Variants in BICC1 observed in about 807,000 individuals in gnomAD.
BICC1 encodes protein bicaudal C homolog 1.
BICC1 carries 43 observed loss-of-function variants against 111.0 expected under a neutral mutation model. That is an observed-to-expected ratio of 0.39 (90% CI 0.30 to 0.50). The LOEUF (loss-of-function observed/expected upper bound fraction) is 0.50, where lower values mean the gene tolerates loss of function less well. Ranked by LOEUF, BICC1 falls within the 20% of genes least tolerant of loss-of-function variation. The pLI, the probability that BICC1 is intolerant of heterozygous loss-of-function variation, is 0.88. For missense variants in BICC1, 1,091 were observed against 1,203.2 expected (o/e 0.91, Z 1.38); for synonymous variants, 467 against 434.4 (o/e 1.07, Z -0.93).
At chr10:58,687,842 G>C (rs774324654) in intron 2 of BICC1, among the ~76,000 whole-genome samples, 1 of 152,138 alleles carries the variant, frequency 6.6e-6, no homozygotes, top group Non-Finnish European at 1.5e-5. Flanking sequence ...GCCCCACTCT[G>C]GTCCGTGGGC....
At chr10:58,570,962 T>C (rs143873170) in intron 1 of BICC1, among the ~76,000 whole-genome samples, 3 of 152,268 alleles carry the variant, frequency 2.0e-5, no homozygotes, top group African/African-American at 7.2e-5. Flanking sequence ...TGGGTAGAAA[T>C]GTTTGCTTGA....
chr10:58,595,072 G>A (rs1323155636), intron 1 of BICC1, among the ~76,000 whole-genome samples: 1 of 152,116 alleles, frequency 6.6e-6, no homozygotes, highest in African/African-American at 2.4e-5. Flanking sequence ...TGCAATCGTA[G>A]GCTCTGATAA....
rs1372899813 is a variant in BICC1 at position 58,593,829 on chromosome 10, C to T, written c.191-27026C>T. ...GAACGCCTCTTCTCCTCCAAAGGATCACAACTCCTTGCCAGCAAGGGAACA... is the reference window on the plus strand; with the variant it reads ...GAACGCCTCTTCTCCTCCAAAGGATTACAACTCCTTGCCAGCAAGGGAACA... On this transcript the variant is annotated intron_variant, in intron 1 of 20. Transcript: ENST00000373886. Among the ~76,000 whole-genome samples the T allele has an allele frequency of 8.5e-5, 13 of 152,186 alleles. No homozygotes were observed. The East Asian group carries it at 2.1e-3, about 25-fold the overall frequency.
At chr10:58,683,606 A>T (rs1176577810) in intron 2 of BICC1, among the ~76,000 whole-genome samples, 1 of 152,118 alleles carries the variant, frequency 6.6e-6, no homozygotes, top group Non-Finnish European at 1.5e-5. Flanking sequence ...CAAACTTTTA[A>T]GTTGGATTCC....
chr10:58,615,391 G>A (rs1268440932), intron 1 of BICC1, among the ~76,000 whole-genome samples: 3 of 152,100 alleles, frequency 2.0e-5, no homozygotes, highest in Non-Finnish European at 4.4e-5. Flanking sequence ...ATGACCCAGC[G>A]AGTTTGGAGT....
chr10:58,660,432 GCT>G (rs1838804178), intron 2 of BICC1, among the ~76,000 whole-genome samples: 1 of 4,274 alleles, frequency 2.3e-4, no homozygotes, highest in Admixed American at 5.0e-3. Flanking sequence ...TTCTTTTCTT[GCT>G]GTGACTCTTG....
chr10:58,752,647 A>G (rs1842021624), intron 3 of BICC1, among the ~76,000 whole-genome samples: 1 of 152,088 alleles, frequency 6.6e-6, no homozygotes, highest in African/African-American at 2.4e-5. Context: ...GGCACCGTTG[A>G]TTCTAGAAAT....
chr10:58,814,442 T>C (rs1195204721), intron 18 of BICC1: 3 of 302,186 alleles, frequency 9.9e-6, no homozygotes, highest in Non-Finnish European at 1.8e-5. Context: ...GAATGGGTAA[T>C]GTACACACAT....
At chr10:58,691,875 TA>T (rs1839919767) in intron 2 of BICC1, among the ~76,000 whole-genome samples, 1 of 152,214 alleles carries the variant, frequency 6.6e-6, no homozygotes, top group Non-Finnish European at 1.5e-5. Context: ...TACTTTCATC[TA>T]ATAAATATTC....
chr10:58,715,604 G>A (rs1346178078), intron 3 of BICC1: 12 of 1,605,074 alleles, frequency 7.5e-6, no homozygotes, highest in Admixed American at 3.3e-5. Flanking sequence ...TAGCAATGGC[G>A]AGATCAAGGG....
intron 2 of BICC1, among the ~76,000 whole-genome samples, chr10:58,654,583 C>T (rs954029123): frequency 8.3e-5 from 7 of 84,082 alleles, no homozygotes; most frequent in African/African-American, 2.1e-4. Context: ...TGGATATTAG[C>T]CCTTTGTCAG....
intron 15 of BICC1, among the ~76,000 whole-genome samples, chr10:58,805,047 C>T (rs562529478): frequency 5.0e-4 from 76 of 152,306 alleles, no homozygotes; most frequent in African/African-American, 1.8e-3. Context: ...AATCCCAGAA[C>T]TTTGGGAAGC....
At chr10:58,760,695 A>G (rs1842289245) in intron 3 of BICC1, among the ~76,000 whole-genome samples, 1 of 152,182 alleles carries the variant, frequency 6.6e-6, no homozygotes, top group African/African-American at 2.4e-5. Context: ...AACTAGGAAG[A>G]TGTCATAACC....
At chr10:58,692,379 T>A (rs1447681183) in intron 2 of BICC1, among the ~76,000 whole-genome samples, 1 of 152,200 alleles carries the variant, frequency 6.6e-6, no homozygotes, top group Non-Finnish European at 1.5e-5. Context: ...TAGTCTTCAC[T>A]TTGCATGGCC....
intron 1 of BICC1, among the ~76,000 whole-genome samples, chr10:58,596,843 C>A (rs1054082967): frequency 2.0e-5 from 3 of 152,152 alleles, no homozygotes; most frequent in Non-Finnish European, 4.4e-5. Flanking sequence ...ATACAACTTA[C>A]AGAGAATGTG....
At chr10:58,718,432 A>G (rs759312294) in intron 3 of BICC1, among the ~76,000 whole-genome samples, 2 of 152,226 alleles carry the variant, frequency 1.3e-5, no homozygotes, top group African/African-American at 2.4e-5. Context: ...CAACATAGGA[A>G]TTTTGTGGGC....
intron 1 of BICC1, among the ~76,000 whole-genome samples, chr10:58,587,732 A>T (rs1276706532): frequency 6.6e-6 from 1 of 152,200 alleles, no homozygotes; most frequent in Non-Finnish European, 1.5e-5. Context: ...CTATTGTAGG[A>T]TAAAGTGGCG....
At chr10:58,740,351 TA>T (rs1230503256) in intron 3 of BICC1, among the ~76,000 whole-genome samples, 1 of 152,244 alleles carries the variant, frequency 6.6e-6, no homozygotes, top group Non-Finnish European at 1.5e-5. Flanking sequence ...TTTGGAAACT[TA>T]TCAGAGTCTT....
chr10:58,684,453 C>T (rs548371342), intron 2 of BICC1, among the ~76,000 whole-genome samples: 73 of 152,250 alleles, frequency 4.8e-4, no homozygotes, highest in Non-Finnish European at 9.1e-4. Flanking sequence ...AGGAATGGTA[C>T]CAGCTCCTCT....
Sources: allele counts gnomAD v4.1 joint callset (sites outside exome capture counted in the v4.1 genomes callset), GRCh38; gene constraint gnomAD v4.1.1; transcripts MANE v1.5; gene names NCBI Gene and HGNC (gene_info 2026-07-23, HGNC 2026-07-21).